Variants in KCTD8 observed in about 807,000 individuals in gnomAD.
The protein encoded by KCTD8 is potassium channel tetramerization domain containing 8, also known as BTB/POZ domain-containing protein KCTD8.
KCTD8 carries 27 observed loss-of-function variants against 31.5 expected under a neutral mutation model. The ratio of observed to expected loss-of-function variants is 0.86; its 90% CI spans 0.63 to 1.18. KCTD8 has a LOEUF of 1.18. KCTD8 is among the 50% of genes most tolerant of loss of function. The pLI, the probability that KCTD8 is intolerant of heterozygous loss-of-function variation, is 0.00. For synonymous variants in KCTD8, 290 were observed against 280.0 expected, an observed-to-expected ratio of 1.04 and a Z score of -0.36; for missense variants, 658 against 647.7, an observed-to-expected ratio of 1.02 and a Z score of -0.17.
chr4:44,382,538 C>A (rs1239839617), intron 1 of KCTD8, among the ~76,000 whole-genome samples: 1 of 151,876 alleles, frequency 6.6e-6, no homozygotes, highest in Non-Finnish European at 1.5e-5. Flanking sequence ...ACCATCTTGG[C>A]CAACATGGTA....
intron 1 of KCTD8, among the ~76,000 whole-genome samples, chr4:44,211,470 T>C (rs2109343717): frequency 6.6e-6 from 1 of 152,342 alleles, no homozygotes; most frequent in East Asian, 1.9e-4. Flanking sequence ...CAACATTATA[T>C]TTCTAAGGGT....
intron 1 of KCTD8, among the ~76,000 whole-genome samples, chr4:44,224,895 A>AG (rs1383715444): frequency 7.9e-4 from 4 of 5,032 alleles, no homozygotes; most frequent in African/African-American, 6.0e-3. Context: ...GTACTGGAGA[A>AG]GGAGACATCA....
chr4:44,364,814 G>T (rs892749913), intron 1 of KCTD8, among the ~76,000 whole-genome samples: 1 of 151,882 alleles, frequency 6.6e-6, no homozygotes, highest in African/African-American at 2.4e-5. Context: ...AAGGCTACAT[G>T]CATGTGATTC....
rs79715247 is a variant in KCTD8, at chr4:44,355,478, G to T, written c.961+92085C>A. 9.8e-3 allele frequency among the ~76,000 whole-genome samples: 1,487 copies of T among 152,122 alleles called. 25 individuals carry two copies. Among genetic ancestry groups the T allele is most frequent in the African/African-American group, 0.034 (1,422 of 41,506 alleles). Reference sequence around the variant, plus strand: ...CTCCAACCCATGCTGTTAATATTTTGTGATCTCAAAACTAAATTAACTAAT... The same window carrying T: ...CTCCAACCCATGCTGTTAATATTTTTTGATCTCAAAACTAAATTAACTAAT... On this transcript the variant is annotated intron_variant, in intron 1 of 1. Transcript: ENST00000360029.
chr4:44,297,458 G>A (rs1351506023), intron 1 of KCTD8, among the ~76,000 whole-genome samples: 2 of 151,592 alleles, frequency 1.3e-5, no homozygotes, highest in African/African-American at 2.4e-5. Flanking sequence ...TTTTTCTCTG[G>A]TAACCTATTA....
chr4:44,391,446 G>A (rs1029750810), intron 1 of KCTD8, among the ~76,000 whole-genome samples: 4 of 151,582 alleles, frequency 2.6e-5, no homozygotes, highest in Non-Finnish European at 2.9e-5. Flanking sequence ...CTCCTCTTCC[G>A]CAGCCTACTC....
intron 1 of KCTD8, among the ~76,000 whole-genome samples, chr4:44,383,076 T>C (rs566040674): frequency 1.4e-5 from 2 of 147,998 alleles, no homozygotes; most frequent in South Asian, 4.3e-4. Context: ...AAAAACAAAA[T>C]AAAATACCTA....
intron 1 of KCTD8, among the ~76,000 whole-genome samples, chr4:44,412,021 G>A (rs1720972519): frequency 6.6e-6 from 1 of 152,108 alleles, no homozygotes; most frequent in African/African-American, 2.4e-5. Context: ...TGGATTACAG[G>A]GTGGCACAAT....
intron 1 of KCTD8, among the ~76,000 whole-genome samples, chr4:44,364,407 G>C (rs1047152967): frequency 6.6e-6 from 1 of 152,060 alleles, no homozygotes; most frequent in African/African-American, 2.4e-5. Flanking sequence ...TATCAGAATA[G>C]CTAAAATCCA....
intron 1 of KCTD8, among the ~76,000 whole-genome samples, chr4:44,316,636 T>A (rs1718116408): frequency 6.6e-6 from 1 of 151,624 alleles, no homozygotes; most frequent in African/African-American, 2.4e-5. Flanking sequence ...GGTAATCTTC[T>A]TATAGTTTGA....
rs112848499 is a variant in KCTD8 at position 44,434,104 on chromosome 4, G to A, written c.961+13459C>T. 1.1e-4 allele frequency among the ~76,000 whole-genome samples: 17 copies of A among 151,646 alleles called. No homozygotes were observed. In the East Asian group the frequency reaches 2.5e-3, roughly 22 times the overall value. ...ATCCAGCCAAATCAAACTATTCCCC[G>A]AACATGCCATTTTTGCATGAACTAG... On this transcript the variant is annotated intron_variant, in intron 1 of 1. Transcript: ENST00000360029.
In KCTD8 at chr4:44,380,251, A is replaced by G. The variant is rs534551157; in HGVS notation, c.961+67312T>C. Among the ~76,000 whole-genome samples, 220 of 152,032 alleles carry G rather than the reference A, an allele frequency of 1.4e-3. 2 individuals carry two copies. The highest frequency in any genetic ancestry group is 4.9e-3 in the African/African-American group (202 of 41,536). On this transcript the variant is annotated intron_variant, in intron 1 of 1. Coordinates refer to ENST00000360029, the MANE Select transcript of KCTD8 (RefSeq NM_198353.3). ...GACCCTCATTTTTCTAATGGTCCCT[A>G]ACAACATTATCAAATTAAGCTACTC... is the stretch of plus-strand genomic sequence containing the variant.
rs559719077 is a variant in KCTD8, at chr4:44,190,889, T to A, written c.962-15639A>T. Among the ~76,000 whole-genome samples the A allele has an allele frequency of 4.6e-5, 7 of 152,306 alleles. No homozygotes were observed. The South Asian group carries it at 1.5e-3, about 32-fold the overall frequency. Reference sequence around the variant, plus strand: ...CATTTTATAAAACAAATTTATCTTATAAATGTAGGTATTTTATTAGATGCA... The same window carrying A: ...CATTTTATAAAACAAATTTATCTTAAAAATGTAGGTATTTTATTAGATGCA... On this transcript the variant is annotated intron_variant, in intron 1 of 1. Transcript: ENST00000360029.
intron 1 of KCTD8, among the ~76,000 whole-genome samples, chr4:44,373,351 C>T (rs1414007018): frequency 6.6e-6 from 1 of 151,414 alleles, no homozygotes; most frequent in Non-Finnish European, 1.5e-5. Context: ...CAGAGCGAGA[C>T]TCTGTCTCAA....
chr4:44,305,852 T>C (rs980214193), intron 1 of KCTD8, among the ~76,000 whole-genome samples: 8 of 151,898 alleles, frequency 5.3e-5, no homozygotes, highest in African/African-American at 1.9e-4. Context: ...AAAGATTTGC[T>C]ATCATAATAA....
At chr4:44,427,688 A>G (rs774400174) in intron 1 of KCTD8, among the ~76,000 whole-genome samples, 8 of 151,746 alleles carry the variant, frequency 5.3e-5, no homozygotes, top group Non-Finnish European at 8.8e-5. Context: ...AGTATATAAT[A>G]TTAACAAAAA....
chr4:44,209,385 T>C (rs1283752856), intron 1 of KCTD8, among the ~76,000 whole-genome samples: 1 of 152,184 alleles, frequency 6.6e-6, no homozygotes, highest in East Asian at 1.9e-4. Context: ...TTTTACTTTA[T>C]AGAGTTTAGA....
chr4:44,176,137 C>T (rs1037257513), intron 1 of KCTD8, among the ~76,000 whole-genome samples: 6 of 152,132 alleles, frequency 3.9e-5, no homozygotes, highest in Admixed American at 1.3e-4. Flanking sequence ...TTAAATGGAG[C>T]CCAACAATTC....
At chr4:44,277,168 T>C (rs768524424) in intron 1 of KCTD8, among the ~76,000 whole-genome samples, 2 of 151,794 alleles carry the variant, frequency 1.3e-5, no homozygotes, top group Non-Finnish European at 2.9e-5. Context: ...CATCAACTCC[T>C]AAAATGAGTA....
Sources: allele counts gnomAD v4.1 joint callset (sites outside exome capture counted in the v4.1 genomes callset), GRCh38; gene constraint gnomAD v4.1.1; transcripts MANE v1.5; gene names NCBI Gene and HGNC (gene_info 2026-07-23, HGNC 2026-07-21).